Variants in ADAMTS9 observed in about 807,000 individuals in gnomAD.
ADAMTS9 encodes the protein A disintegrin and metalloproteinase with thrombospondin motifs 9.
A neutral mutation model predicts 257.1 loss-of-function variants in ADAMTS9; 107 were observed. The ratio of observed to expected loss-of-function variants is 0.42; its 90% CI spans 0.36 to 0.49. The LOEUF (loss-of-function observed/expected upper bound fraction) is 0.49. Among genes scored for constraint, ADAMTS9 ranks in the 20% least tolerant of loss-of-function variants. ADAMTS9 has a pLI of 0.03. For synonymous variants in ADAMTS9, 982 were observed against 880.9 expected, an observed-to-expected ratio of 1.11 and a Z score of -2.03; for missense variants, 2,353 against 2,469.1, an observed-to-expected ratio of 0.95 and a Z score of 1.00.
intron 22 of ADAMTS9, among the ~76,000 whole-genome samples, chr3:64,607,849 C>T (rs1295225482): frequency 6.6e-6 from 1 of 152,130 alleles, no homozygotes; most frequent in Non-Finnish European, 1.5e-5. Context: ...ACATATTCCT[C>T]TCAAACGTGC....
At chr3:64,635,993 A>C (rs951891743) in intron 12 of ADAMTS9, among the ~76,000 whole-genome samples, 1 of 152,150 alleles carries the variant, frequency 6.6e-6, no homozygotes, top group East Asian at 1.9e-4. Context: ...ATCTTTTTAG[A>C]TGTCCCAGCT....
chr3:64,682,238 C>T (rs1241450226), intron 2 of ADAMTS9, among the ~76,000 whole-genome samples: 1 of 152,160 alleles, frequency 6.6e-6, no homozygotes, highest in Non-Finnish European at 1.5e-5. Flanking sequence ...GATAAAGATA[C>T]TTAATGTAAA....
chr3:64,533,985 T>C (rs940946470), intron 37 of ADAMTS9, among the ~76,000 whole-genome samples: 4 of 152,158 alleles, frequency 2.6e-5, no homozygotes, highest in Admixed American at 6.5e-5. Context: ...CTTTCTCCAA[T>C]TGTCTCTCTC....
At chr3:64,662,471 G>A (rs545980751) in intron 3 of ADAMTS9, among the ~76,000 whole-genome samples, 1 of 152,090 alleles carries the variant, frequency 6.6e-6, no homozygotes, top group South Asian at 2.1e-4. Flanking sequence ...CTGCCTGGCT[G>A]CTCTATCCAT....
chr3:64,639,459 C>A (rs1382749033), intron 12 of ADAMTS9, among the ~76,000 whole-genome samples: 4 of 151,982 alleles, frequency 2.6e-5, no homozygotes, highest in Non-Finnish European at 5.9e-5. Flanking sequence ...GAGATCTTTA[C>A]ACTGGGTGAT....
intron 30 of ADAMTS9, among the ~76,000 whole-genome samples, chr3:64,558,668 C>T (rs2083373384): frequency 6.6e-6 from 1 of 152,092 alleles, no homozygotes; most frequent in Admixed American, 6.5e-5. Context: ...ATCCTACGGA[C>T]CAAGCATGCA....
At chr3:64,676,023 C>T (rs556513847) in intron 3 of ADAMTS9, among the ~76,000 whole-genome samples, 39 of 152,270 alleles carry the variant, frequency 2.6e-4, no homozygotes, top group African/African-American at 9.1e-4. Flanking sequence ...ACAGAGTCCC[C>T]AGTGCCTAAT....
intron 38 of ADAMTS9, 122 bp downstream of exon 38, chr3:64,533,044 C>T: frequency 1.2e-6 from 1 of 836,262 alleles, no homozygotes. Flanking sequence ...CCTGACACTA[C>T]AAAATGGCTT....
At chr3:64,555,456 C>A (rs12635012) in intron 30 of ADAMTS9, among the ~76,000 whole-genome samples, 12 of 152,034 alleles carry the variant, frequency 7.9e-5, no homozygotes, top group Non-Finnish European at 1.5e-4. Flanking sequence ...TCCATGGCTT[C>A]GTACCCTGTC....
rs2082902338 is a variant in ADAMTS9 at position 64,525,785 on chromosome 3, A to AG, written c.5719-3526_5719-3525insC. 7.9e-5 allele frequency among the ~76,000 whole-genome samples: 12 copies of AG among 151,594 alleles called. 1 individual carries two copies. Among genetic ancestry groups the AG allele is most frequent in the Admixed American group, 7.2e-4 (11 of 15,214 alleles). Reference sequence around the variant, plus strand: ...ACTACCATACCTGGCTAATTTTTGTATTTTTAGTAGAGACAGGGTTTCACT... The same window carrying AG: ...ACTACCATACCTGGCTAATTTTTGTAGTTTTTAGTAGAGACAGGGTTTCACT... On this transcript the variant is annotated intron_variant, in intron 38 of 39. Transcript: ENST00000498707.
At chr3:64,603,401 A>C (rs1250137291) in intron 25 of ADAMTS9, among the ~76,000 whole-genome samples, 1 of 139,988 alleles carries the variant, frequency 7.1e-6, no homozygotes, top group Non-Finnish European at 1.5e-5. Context: ...AGCTGCCTAA[A>C]GATAAAAGTT....
At chr3:64,649,861 C>A in intron 9 of ADAMTS9, 83 bp from the exon 10 acceptor site, 1 of 1,465,736 alleles carries the variant, frequency 6.8e-7, no homozygotes, top group Non-Finnish European at 9.2e-7. Context: ...GGCCACCCCA[C>A]CATTGTAATG....
chr3:64,531,776 A>G (rs1308694864), intron 38 of ADAMTS9, among the ~76,000 whole-genome samples: 1 of 152,196 alleles, frequency 6.6e-6, no homozygotes, highest in African/African-American at 2.4e-5. Context: ...TCTGCCTTGT[A>G]ATAAAACCCT....
intron 12 of ADAMTS9, among the ~76,000 whole-genome samples, chr3:64,637,652 T>C (rs1486095933): frequency 6.6e-6 from 1 of 152,130 alleles, no homozygotes; most frequent in Non-Finnish European, 1.5e-5. Context: ...TGAATTAGGG[T>C]AGTCAGATTT....
At chr3:64,584,858 A>T (rs2084107162) in intron 28 of ADAMTS9, among the ~76,000 whole-genome samples, 1 of 152,092 alleles carries the variant, frequency 6.6e-6, no homozygotes. Flanking sequence ...TTTTTCCTCA[A>T]ATCAAGGACA....
intron 8 of ADAMTS9, among the ~76,000 whole-genome samples, chr3:64,652,672 G>T (rs1374153012): frequency 6.6e-6 from 1 of 152,114 alleles, no homozygotes; most frequent in Non-Finnish European, 1.5e-5. Flanking sequence ...AATAATAAAT[G>T]CTTATTGGAC....
chr3:64,580,035 G>A (rs549281280), intron 28 of ADAMTS9, among the ~76,000 whole-genome samples: 3 of 152,128 alleles, frequency 2.0e-5, no homozygotes, highest in African/African-American at 2.4e-5. Flanking sequence ...CATACCCTGC[G>A]TGTCATATAA....
At chr3:64,538,603 T>C (rs1337644733) in intron 37 of ADAMTS9, among the ~76,000 whole-genome samples, 1 of 152,188 alleles carries the variant, frequency 6.6e-6, no homozygotes, top group Non-Finnish European at 1.5e-5. Context: ...TTTTGCATCT[T>C]GTTTTTTCTG....
At position 64,541,511 on chromosome 3, in the gene ADAMTS9, G is replaced by A. The variant is rs190978193; in HGVS notation, c.5292+15C>T. 5.4e-5 allele frequency: 87 copies of A among 1,610,624 alleles called. No homozygotes were observed. In the East Asian group the frequency reaches 1.9e-3, roughly 34 times the overall value. On this transcript the variant is annotated intron_variant, in intron 34 of 39. Transcript: ENST00000498707. ...AAAAACATTCTTGAAATAATGACTGGTGTCTGACATTCACCTTCAGAAGCT... is the reference window on the plus strand; with the variant it reads ...AAAAACATTCTTGAAATAATGACTGATGTCTGACATTCACCTTCAGAAGCT...
Sources: gnomAD v4.1 joint callset for allele counts (sites outside exome capture counted in the v4.1 genomes callset) on GRCh38, gnomAD v4.1.1 for gene constraint, MANE v1.5 for transcripts, NCBI Gene and HGNC (gene_info 2026-07-23, HGNC 2026-07-21) for gene names.